The following RIMS2 variants were observed in gnomAD, a reference collection of about 807,000 sequenced individuals.
The protein encoded by RIMS2 is regulating synaptic membrane exocytosis 2, also known as regulating synaptic membrane exocytosis protein 2.
A neutral mutation model predicts 174.4 loss-of-function variants in RIMS2; 59 were observed. That is an observed-to-expected ratio of 0.34 (90% CI 0.27 to 0.42). The LOEUF is 0.42. Among genes scored for constraint, RIMS2 ranks in the 10% least tolerant of loss-of-function variants. RIMS2 has a pLI of 1.00. For synonymous variants in RIMS2, 606 were observed against 572.5 expected, an observed-to-expected ratio of 1.06 and a Z score of -0.84; for missense variants, 1,620 against 1,666.3, an observed-to-expected ratio of 0.97 and a Z score of 0.48.
chr8:104,186,229 T>G (rs1292932960), intron 19 of RIMS2, among the ~76,000 whole-genome samples: 3 of 151,550 alleles, frequency 2.0e-5, no homozygotes, highest in East Asian at 3.9e-4. Flanking sequence ...ATAATGGAGA[T>G]TCGGAAGAGT....
In RIMS2 at chr8:103,860,422, C is replaced by T. The variant is rs141073275; in HGVS notation, c.699-24876C>T. Among the ~76,000 whole-genome samples the T allele has an allele frequency of 2.3e-3, 356 of 152,138 alleles. 2 individuals are homozygous for T. Among genetic ancestry groups the T allele is most frequent in the African/African-American group, 8.1e-3 (338 of 41,520 alleles). On this transcript the variant is annotated intron_variant, in intron 3 of 23. Coordinates refer to ENST00000504942, the Ensembl canonical transcript of RIMS2. ...TAAATGAAATAGTGCAGTAAATCAC[C>T]GTGCATAGTATTTAGCAAATAGTAC...
chr8:103,596,375 T>A (rs2094478312), intron 1 of RIMS2, among the ~76,000 whole-genome samples: 1 of 152,040 alleles, frequency 6.6e-6, no homozygotes, highest in African/African-American at 2.4e-5. Flanking sequence ...TTATAAACCT[T>A]GGGTTTTTGT....
chr8:104,178,792 GTT>G (rs749655873), intron 19 of RIMS2, among the ~76,000 whole-genome samples: 7 of 151,526 alleles, frequency 4.6e-5, no homozygotes, highest in Non-Finnish European at 1.0e-4. Context: ...TTAAGAAAAA[GTT>G]TGTACACCCA....
chr8:104,014,610 A>C lies in RIMS2; in HGVS notation c.3329A>C (p.Asp1110Ala), dbSNP rs1383969517. Residue 1110 changes from aspartate (D) to alanine (A), a missense_variant, in exon 19 of 24, where the codon GAT becomes GCT. Transcript: ENST00000504942. Reference sequence around the variant, plus strand: ...CAGCTTCCACCAAAGGGAACGTTGGATAGAAGTAAGTTTTATTTCTAATTG... The same window carrying C: ...CAGCTTCCACCAAAGGGAACGTTGGCTAGAAGTAAGTTTTATTTCTAATTG... 1.2e-5 allele frequency: 20 copies of C among 1,600,118 alleles called. No homozygotes were observed. Among genetic ancestry groups the C allele is most frequent in the Non-Finnish European group, 1.5e-5 (18 of 1,167,494 alleles).
Position 104,240,675 on chromosome 8 carries a change from C to A in RIMS2, c.3335-4241C>A, listed in dbSNP as rs183812091. Reference sequence around the variant, plus strand: ...CGTAGACATTAGAACTCAAAGATATCAGATATCATCTGCCCTCCTCCCCCT... The same window carrying A: ...CGTAGACATTAGAACTCAAAGATATAAGATATCATCTGCCCTCCTCCCCCT... On this transcript the variant is annotated intron_variant, in intron 19 of 23. Coordinates refer to ENST00000504942, the Ensembl canonical transcript of RIMS2. Among the ~76,000 whole-genome samples the A allele has an allele frequency of 2.4e-4, 36 of 152,174 alleles. 1 individual carries two copies. Among genetic ancestry groups the A allele is most frequent in the Admixed American group, 2.3e-3 (35 of 15,262 alleles).
At chr8:104,160,374 A>G (rs1371715491) in intron 19 of RIMS2, among the ~76,000 whole-genome samples, 1 of 152,224 alleles carries the variant, frequency 6.6e-6, no homozygotes, top group African/African-American at 2.4e-5. Flanking sequence ...ATCTCTTTAG[A>G]GAAGATAACT....
intron 19 of RIMS2, among the ~76,000 whole-genome samples, chr8:104,104,066 A>G (rs2097973743): frequency 6.6e-6 from 1 of 152,208 alleles, no homozygotes; most frequent in Non-Finnish European, 1.5e-5. Context: ...AACTGGCTTG[A>G]AAAAGGAAAA....
At chr8:103,908,161 C>T (rs2074897116) in intron 4 of RIMS2, among the ~76,000 whole-genome samples, 1 of 152,210 alleles carries the variant, frequency 6.6e-6, no homozygotes, top group Admixed American at 6.5e-5. Flanking sequence ...CCTGCCTCAG[C>T]CTCCCGAATA....
Position 104,146,820 on chromosome 8 carries a change from C to T in RIMS2, c.3335-98096C>T, listed in dbSNP as rs372181948. ...GGCTCAGGTGATCCTCCTGTGCCTCCGAAGTAGCTGGGACTACAGGCATGT... is the reference window on the plus strand; with the variant it reads ...GGCTCAGGTGATCCTCCTGTGCCTCTGAAGTAGCTGGGACTACAGGCATGT... On this transcript the variant is annotated intron_variant, in intron 19 of 23. Transcript: ENST00000504942. 4.5e-4 allele frequency among the ~76,000 whole-genome samples: 68 copies of T among 152,192 alleles called. 1 individual carries two copies. Among genetic ancestry groups the T allele is most frequent in the African/African-American group, 1.4e-3 (58 of 41,528 alleles).
intron 4 of RIMS2, among the ~76,000 whole-genome samples, chr8:103,899,170 C>T (rs1260573388): frequency 3.3e-5 from 5 of 151,608 alleles, no homozygotes; most frequent in Admixed American, 6.5e-5. Flanking sequence ...TGAATAATGC[C>T]GCAATAAACA....
chr8:103,765,038 A>G (rs890784049), intron 2 of RIMS2, among the ~76,000 whole-genome samples: 2 of 152,178 alleles, frequency 1.3e-5, no homozygotes, highest in African/African-American at 4.8e-5. Flanking sequence ...TTTTACAAAA[A>G]CATTTTTGTG....
At chr8:103,965,894 T>G (rs2091681517) in intron 15 of RIMS2, among the ~76,000 whole-genome samples, 1 of 152,138 alleles carries the variant, frequency 6.6e-6, no homozygotes, top group Admixed American at 6.5e-5. Context: ...CTCCGTCTAT[T>G]GATTTAGTCA....
intron 1 of RIMS2, among the ~76,000 whole-genome samples, chr8:103,589,830 C>T (rs1346415286): frequency 2.0e-5 from 3 of 151,182 alleles, no homozygotes; most frequent in Non-Finnish European, 4.4e-5. Flanking sequence ...AAACAAGTCA[C>T]AGAAAGAGAA....
chr8:103,970,153 C>T (rs1331499341), intron 15 of RIMS2, among the ~76,000 whole-genome samples: 7 of 151,986 alleles, frequency 4.6e-5, no homozygotes, highest in African/African-American at 9.7e-5. Flanking sequence ...CTGGTAAGGT[C>T]GGGGAAGGGA....
intron 19 of RIMS2, among the ~76,000 whole-genome samples, chr8:104,076,322 T>A (rs1261166233): frequency 1.3e-5 from 2 of 152,100 alleles, no homozygotes; most frequent in Non-Finnish European, 2.9e-5. Flanking sequence ...AGTTTTTTTT[T>A]GAATTCATGT....
chr8:103,630,003 TAAGA>T (rs936546735), intron 1 of RIMS2, among the ~76,000 whole-genome samples: 3 of 151,874 alleles, frequency 2.0e-5, no homozygotes, highest in African/African-American at 4.8e-5. Flanking sequence ...AAAAAAATTT[TAAGA>T]AATATGAGCA....
At chr8:103,770,000 T>G (rs572237917) in intron 3 of RIMS2, among the ~76,000 whole-genome samples, 4 of 152,334 alleles carry the variant, frequency 2.6e-5, no homozygotes, top group South Asian at 2.1e-4. Flanking sequence ...CACTTTTTTT[T>G]GGGAAACACT....
At chr8:104,243,993 C>T (rs2140009136) in intron 19 of RIMS2, among the ~76,000 whole-genome samples, 1 of 152,242 alleles carries the variant, frequency 6.6e-6, no homozygotes, top group Admixed American at 6.5e-5. Context: ...TGCACCTTTG[C>T]CATGCTGTTT....
At chr8:103,787,302 G>A (rs1461137505) in intron 3 of RIMS2, among the ~76,000 whole-genome samples, 1 of 151,778 alleles carries the variant, frequency 6.6e-6, no homozygotes, top group Non-Finnish European at 1.5e-5. Context: ...GTGTGAATCT[G>A]ATCTTGTCGT....
Sources: allele counts gnomAD v4.1 joint callset (sites outside exome capture counted in the v4.1 genomes callset), GRCh38; gene constraint gnomAD v4.1.1; transcripts MANE v1.5; gene names NCBI Gene and HGNC (gene_info 2026-07-23, HGNC 2026-07-21).